NIFK: variants seen among roughly 807,000 people sequenced by gnomAD.
NIFK encodes the protein MKI67 FHA domain-interacting nucleolar phosphoprotein.
A neutral mutation model predicts 31.7 loss-of-function variants in NIFK; 16 were observed. The observed-to-expected ratio is 0.50, with a 90% confidence interval of 0.34 to 0.77. The LOEUF (loss-of-function observed/expected upper bound fraction) is 0.77, where lower values mean the gene tolerates loss of function less well. Ranked by LOEUF, NIFK falls within the 30% of genes least tolerant of loss-of-function variation. The pLI is 0.01. For missense variants in NIFK, 341 were observed against 350.4 expected, an observed-to-expected ratio of 0.97 and a Z score of 0.21; for synonymous variants, 126 against 123.0, an observed-to-expected ratio of 1.02 and a Z score of -0.16.
rs762803959 is a variant in NIFK at position 121,727,896 on chromosome 2, C to G, written c.710G>C (p.Cys237Ser). Residue 237 changes from cysteine to serine, a missense_variant, in exon 7 of 7, where the codon TGT (cysteine) becomes TCT (serine). Physicochemically the swap from Cys to Ser is moderately radical, Grantham distance 112. Coordinates refer to ENST00000285814, the MANE Select transcript of NIFK (RefSeq NM_032390.5). Reference protein sequence around the residue: ...TVDSQGPTPVCTPTFLERRKS... With the variant: ...TVDSQGPTPVSTPTFLERRKS... ...TCGCCTCTCCAAAAATGTTGGTGTACAAACTGGTGTGGGGCCCTGGATTCA... is the reference window on the plus strand; with the variant it reads ...TCGCCTCTCCAAAAATGTTGGTGTAGAAACTGGTGTGGGGCCCTGGATTCA... The G allele has an allele frequency of 6.2e-7, 1 of 1,600,944 alleles. No homozygotes were observed. Among genetic ancestry groups the G allele is most frequent in the Middle Eastern group, 1.7e-4 (1 of 6,022 alleles).
rs368385391 is a variant in NIFK at position 121,727,158 on chromosome 2, A to C, written c.*566T>G. 110 of 251,466 alleles carry C rather than the reference A, an allele frequency of 4.4e-4. No individual in the cohort carries two copies. In the East Asian group the frequency reaches 0.01, roughly 23 times the overall value. 15.6% of individuals were successfully genotyped at this position (251,466 alleles called of 1,614,324 possible). A position where few individuals can be genotyped will look rare whatever the true frequency, so the allele number is the denominator to read the frequency against. The stretch of plus-strand genomic sequence containing the variant: ...ATTAATTCATGCTAGCACAACCAAA[A>C]CTAATTTAACATTATTGGTAAAAAT... On this transcript the variant is annotated 3_prime_UTR_variant, in exon 7 of 7. Coordinates refer to ENST00000285814, the MANE Select transcript of NIFK (RefSeq NM_032390.5).
chr2:121,734,978 T>C (rs1460659344), intron 2 of NIFK, among the ~76,000 whole-genome samples: 1 of 152,162 alleles, frequency 6.6e-6, no homozygotes, highest in Non-Finnish European at 1.5e-5. Context: ...TACAACCAAT[T>C]AAAGTTTATG....
rs749436018 is a variant in NIFK at position 121,727,686 on chromosome 2, ATAT to A, written c.*35_*37del. On this transcript the variant is annotated 3_prime_UTR_variant, in exon 7 of 7. Transcript: ENST00000285814. ...AAATACAAAGTCCACTCTCATAAAA[ATAT>A]TATATTTTTCAAAAGAAATATAATA... 3.6e-5 allele frequency: 53 copies of A among 1,466,306 alleles called. No homozygotes were observed. In the East Asian group the frequency reaches 9.3e-4, roughly 26 times the overall value. 90.8% of individuals were successfully genotyped at this position (1,466,306 alleles called of 1,614,324 possible).
intron 4 of NIFK, among the ~76,000 whole-genome samples, chr2:121,728,837 C>T (rs568871300): frequency 3.9e-5 from 6 of 152,244 alleles, no homozygotes; most frequent in African/African-American, 1.4e-4. Flanking sequence ...CAGGCCACCC[C>T]CATCTCCTAA....
At position 121,730,702 on chromosome 2, in the gene NIFK, G is replaced by A. The variant is rs533895625; in HGVS notation, c.564+191C>T. On this transcript the variant is annotated intron_variant, in intron 4 of 6. Coordinates refer to ENST00000285814, the MANE Select transcript of NIFK (RefSeq NM_032390.5). ...CTACTAAAAATACAAAAATTAGCCA[G>A]ACGTGGTGGTGTGCACCTGTAATCC... is the stretch of plus-strand genomic sequence containing the variant. The A allele has an allele frequency of 3.0e-5, 17 of 575,830 alleles. No individual in the cohort carries two copies. The South Asian group carries it at 3.4e-4, about 12-fold the overall frequency. The allele number at this position is 575,830 out of a possible 1,614,324, so 35.7% of individuals were successfully genotyped here.
intron 1 of NIFK, 50 bp from the exon 2 acceptor site, chr2:121,735,800 A>G: frequency 6.6e-7 from 1 of 1,510,758 alleles, no homozygotes; most frequent in Non-Finnish European, 9.0e-7. Flanking sequence ...AGAAAATCAC[A>G]TTGTAACAAA....
chr2:121,731,999 G>C, intron 3 of NIFK, 97 bp downstream of exon 3: 3 of 714,644 alleles, frequency 4.2e-6, no homozygotes. Context: ...GAGATGAAGT[G>C]GCATGTCCAA....
intron 6 of NIFK, 96 bp from the exon 7 acceptor site, chr2:121,728,008 G>T: frequency 1.7e-6 from 2 of 1,182,652 alleles, no homozygotes; most frequent in South Asian, 3.4e-5. Flanking sequence ...TACAAGTTGT[G>T]CCCCATTATT....
chr2:121,730,338 G>T (rs569503020), intron 4 of NIFK: 1 of 156,198 alleles, frequency 6.4e-6, no homozygotes, highest in East Asian at 1.9e-4. Flanking sequence ...TTCAAGACCA[G>T]CCTGACCAAC....
rs748037023 is a variant in NIFK, at chr2:121,736,739, TG to T, written c.105+6del. ...CGCTCGCAGCCTGGGCCAGGGTGCC[TG>T]CTCACCTGGGTTATGCGCTTGCGAA... On this transcript the variant is annotated splice_donor_region_variant and intron_variant, in intron 1 of 6. Coordinates refer to ENST00000285814, the MANE Select transcript of NIFK (RefSeq NM_032390.5). The T allele has an allele frequency of 6.2e-7, 1 of 1,611,760 alleles. No individual in the cohort carries two copies. The highest frequency in any genetic ancestry group is 8.5e-7 in the Non-Finnish European group (1 of 1,177,822).
At position 121,727,835 on chromosome 2, in the gene NIFK, T is replaced by G; in HGVS notation, c.771A>C (p.Lys257Asn). 6.2e-7 allele frequency: 1 copy of G among 1,613,024 alleles called. No homozygotes were observed. Among genetic ancestry groups the G allele is most frequent in the Non-Finnish European group, 8.5e-7 (1 of 1,179,864 alleles). The change falls in exon 7 of 7, where the codon AAA becomes AAC. Residue 257 changes from lysine to asparagine, a missense_variant. By Grantham distance (94) the Lys-to-Asn change is moderately conservative (BLOSUM62 0). Transcript: ENST00000285814. ...SQVAELNDDDKDDEIVFKQPI... is the reference protein window; with the variant it reads ...SQVAELNDDDNDDEIVFKQPI... ...GCTGTTTGAAAACTATTTCATCATC[T>G]TTATCATCATCATTCAGTTCAGCCA...
At chr2:121,733,680 CAAACAAAACAAAACCA>C (rs1287155813) in intron 2 of NIFK, among the ~76,000 whole-genome samples, 2 of 149,982 alleles carry the variant, frequency 1.3e-5, no homozygotes, top group African/African-American at 4.9e-5. Flanking sequence ...GACTCCGTCG[CAAACAAAACAAAACCA>C]AAACAAAACA....
chr2:121,735,783 A>G (rs751312186), intron 1 of NIFK, 33 bp from the exon 2 acceptor site: 64 of 1,571,618 alleles, frequency 4.1e-5, no homozygotes, highest in Non-Finnish European at 4.6e-5. Context: ...AATTAAATAT[A>G]TAAATAAGAA....
intron 4 of NIFK, among the ~76,000 whole-genome samples, chr2:121,729,164 A>G (rs1331107740): frequency 1.3e-5 from 2 of 152,134 alleles, no homozygotes; most frequent in African/African-American, 4.8e-5. Flanking sequence ...GTTCGAGACC[A>G]GCCTGGCTAA....
At position 121,727,741 on chromosome 2, in the gene NIFK, TTCG is replaced by T. The variant is rs1429411823; in HGVS notation, c.862_864del (p.Arg289del). Reference sequence around the variant, plus strand: ...ATTGAAAATCACTGATTGCTGCTTCTTCGTCTTTTTTTCCGTGAATGTGTAGGT... The same window carrying T: ...ATTGAAAATCACTGATTGCTGCTTCTTCTTTTTTTCCGTGAATGTGTAGGT... On this transcript the variant is annotated inframe_deletion, in exon 7 of 7. Transcript: ENST00000285814. The T allele has an allele frequency of 6.3e-7, 1 of 1,599,970 alleles. No individual in the cohort carries two copies. The highest frequency in any genetic ancestry group is 1.4e-5 in the African/African-American group (1 of 74,064).
In NIFK at chr2:121,728,401, T is replaced by C. The variant is rs764405486; in HGVS notation, c.625-45A>G. ...CACATCAATTTGAATATTGATCAGC[T>C]ACAGTAGTCTTGAATATGTTTTCCT... On this transcript the variant is annotated intron_variant, in intron 5 of 6. Transcript: ENST00000285814. The C allele has an allele frequency of 3.4e-5, 50 of 1,468,618 alleles. 1 individual carries two copies. Among genetic ancestry groups the C allele is most frequent in the Middle Eastern group, 3.5e-4 (2 of 5,786 alleles). The allele number at this position is 1,468,618 out of a possible 1,614,324, so 91.0% of individuals were successfully genotyped here.
At chr2:121,728,599 C>T (rs771824410) in intron 4 of NIFK, 63 bp from the exon 5 acceptor site, 4 of 894,508 alleles carry the variant, frequency 4.5e-6, no homozygotes, top group Non-Finnish European at 5.3e-6. Context: ...GCATTAGATC[C>T]TCATATATAT....
intron 3 of NIFK, chr2:121,731,339 G>T (rs764097219): frequency 2.0e-6 from 1 of 512,482 alleles, no homozygotes; most frequent in Non-Finnish European, 3.4e-6. Flanking sequence ...AGGGAAGCCA[G>T]AAACTTCGCT....
Position 121,731,015 on chromosome 2 carries a change from G to A in NIFK, c.442C>T (p.Arg148Trp), listed in dbSNP as rs187982757. 6.8e-6 allele frequency: 11 copies of A among 1,611,868 alleles called. No homozygotes were observed. The highest frequency in any genetic ancestry group is 8.5e-6 in the Non-Finnish European group (10 of 1,178,236). Residue 148 changes from arginine to tryptophan, a missense_variant, in exon 4 of 7, where the codon CGG (arginine) becomes TGG (tryptophan). Arg to Trp is a moderately radical substitution (Grantham distance 101, BLOSUM62 -3). Transcript: ENST00000285814. ...GTTAGTGTCCGATTCCGATTATACC[G>A]TTTCACTGATGGATATGATGGCTGC... The part of the protein sequence containing the change: ...FKQPSYPSVK[R>W]YNRNRTLTQK...
Sources: gnomAD v4.1 joint callset for allele counts (sites outside exome capture counted in the v4.1 genomes callset) on GRCh38, gnomAD v4.1.1 for gene constraint, MANE v1.5 for transcripts, NCBI Gene and HGNC (gene_info 2026-07-23, HGNC 2026-07-21) for gene names.